Variants in CNTNAP4 observed in about 807,000 individuals in gnomAD.
CNTNAP4 encodes contactin associated protein family member 4, also known as contactin-associated protein-like 4.
CNTNAP4 carries 98 observed loss-of-function variants against 148.4 expected under a neutral mutation model. That is an observed-to-expected ratio of 0.66 (90% CI 0.56 to 0.78). The LOEUF (loss-of-function observed/expected upper bound fraction) is 0.78, where lower values mean the gene tolerates loss of function less well. CNTNAP4 is among the 30% of genes least tolerant of loss of function. The pLI is 0.00. For missense variants in CNTNAP4, 1,935 were observed against 1,565.6 expected (o/e 1.24, Z -3.98); for synonymous variants, 730 against 565.1 (o/e 1.29, Z -4.14).
chr16:76,330,755 G>C (rs923052504), intron 2 of CNTNAP4, among the ~76,000 whole-genome samples: 1 of 152,240 alleles, frequency 6.6e-6, no homozygotes, highest in Admixed American at 6.5e-5. Context: ...TCTATGATTA[G>C]TAAAAATACA....
chr16:76,441,171 A>T (rs1220959031), intron 4 of CNTNAP4, among the ~76,000 whole-genome samples: 2 of 152,116 alleles, frequency 1.3e-5, no homozygotes, highest in East Asian at 1.9e-4. Flanking sequence ...ATTGCATCTC[A>T]GGGTTGTGTG....
chr16:76,278,815 A>T (rs1958578904), intron 1 of CNTNAP4, among the ~76,000 whole-genome samples: 2 of 152,312 alleles, frequency 1.3e-5, no homozygotes, highest in East Asian at 1.9e-4. Flanking sequence ...TGACTATGTT[A>T]AGAGTTCTGA....
intron 2 of CNTNAP4, among the ~76,000 whole-genome samples, chr16:76,318,832 CATA>C (rs1962106391): frequency 1.3e-5 from 2 of 150,730 alleles, no homozygotes; most frequent in Admixed American, 6.6e-5. Flanking sequence ...TAACATTTCT[CATA>C]ATATTTCAGT....
intron 3 of CNTNAP4, among the ~76,000 whole-genome samples, chr16:76,363,204 A>T (rs2144563111): frequency 6.8e-6 from 1 of 147,480 alleles, no homozygotes; most frequent in East Asian, 2.0e-4. Context: ...TCTTGCACCC[A>T]GGCTGGAGTG....
rs1382672724 is a variant in CNTNAP4, at chr16:76,355,530, G to A, written c.390+19G>A. 1 of 1,558,948 alleles carries A rather than the reference G, an allele frequency of 6.4e-7. No individual in the cohort carries two copies. Among genetic ancestry groups the A allele is most frequent in the Non-Finnish European group, 8.7e-7 (1 of 1,151,156 alleles). On this transcript the variant is annotated intron_variant, in intron 3 of 23. Transcript: ENST00000611870. Reference sequence around the variant, plus strand: ...CATCTGGGTATGTTCTTTAACAAAAGACATAGTCTCTCGGGGAAAAAGTAT... The same window carrying A: ...CATCTGGGTATGTTCTTTAACAAAAAACATAGTCTCTCGGGGAAAAAGTAT...
chr16:76,389,177 C>A (rs2038509962), intron 3 of CNTNAP4, among the ~76,000 whole-genome samples: 1 of 152,120 alleles, frequency 6.6e-6, no homozygotes, highest in Non-Finnish European at 1.5e-5. Flanking sequence ...TAGTCCCCAG[C>A]ATGATGAGCA....
At chr16:76,326,080 C>T (rs574890133) in intron 2 of CNTNAP4, among the ~76,000 whole-genome samples, 16 of 152,232 alleles carry the variant, frequency 1.1e-4, no homozygotes, top group African/African-American at 3.9e-4. Context: ...CACATTCTCT[C>T]CCAGAGAACA....
chr16:76,282,382 A>G (rs1169457886), intron 1 of CNTNAP4, among the ~76,000 whole-genome samples: 3 of 151,960 alleles, frequency 2.0e-5, no homozygotes, highest in African/African-American at 7.2e-5. Flanking sequence ...TATAAGTAAT[A>G]TAAGTTCAAT....
intron 1 of CNTNAP4, among the ~76,000 whole-genome samples, chr16:76,291,117 T>G (rs1219568059): frequency 1.3e-5 from 2 of 152,226 alleles, no homozygotes; most frequent in Non-Finnish European, 2.9e-5. Flanking sequence ...ATTAGGGCTT[T>G]GACATATTAA....
intron 7 of CNTNAP4, among the ~76,000 whole-genome samples, chr16:76,451,750 G>A (rs1425137551): frequency 1.3e-5 from 2 of 151,888 alleles, no homozygotes; most frequent in Non-Finnish European, 2.9e-5. Flanking sequence ...ATAAGATCAA[G>A]CTGCAGGTTA....
intron 12 of CNTNAP4, among the ~76,000 whole-genome samples, chr16:76,483,118 A>G (rs548353966): frequency 5.3e-5 from 8 of 152,202 alleles, no homozygotes; most frequent in South Asian, 2.1e-4. Context: ...TGTAAATTCT[A>G]TGTTCCCATA....
chr16:76,383,894 C>G (rs1296714418), intron 3 of CNTNAP4, among the ~76,000 whole-genome samples: 1 of 152,116 alleles, frequency 6.6e-6, no homozygotes, highest in African/African-American at 2.4e-5. Context: ...GTTTTAAATT[C>G]TGTTCTCTCT....
chr16:76,291,786 C>A (rs570846088), intron 1 of CNTNAP4, among the ~76,000 whole-genome samples: 3 of 152,250 alleles, frequency 2.0e-5, no homozygotes, highest in Non-Finnish European at 2.9e-5. Flanking sequence ...TAAAATTTAT[C>A]ATCTAATTTT....
rs547211200 is a variant in CNTNAP4, at chr16:76,408,060, T to A, written c.391-19392T>A. 1.8e-4 allele frequency among the ~76,000 whole-genome samples: 25 copies of A among 141,418 alleles called. No homozygotes were observed. In the East Asian group the frequency reaches 4.8e-3, roughly 27 times the overall value. The allele number at this position is 141,418 out of a possible 152,430, so 92.8% of individuals were successfully genotyped here. A position where few individuals can be genotyped will look rare whatever the true frequency, so the allele number is the denominator to read the frequency against. ...CTGAAGACTGAGATTATGATTAGTA[T>A]TTTTTTTAGCAATCAAGTATTTTAA... On this transcript the variant is annotated intron_variant, in intron 3 of 23. Transcript: ENST00000611870.
At chr16:76,458,272 C>G (rs949014969) in intron 8 of CNTNAP4, among the ~76,000 whole-genome samples, 2 of 152,028 alleles carry the variant, frequency 1.3e-5, no homozygotes, top group Admixed American at 6.6e-5. Flanking sequence ...ATGCAGGCAT[C>G]TTTTTTGGTC....
chr16:76,278,633 C>T (rs568008197), intron 1 of CNTNAP4, among the ~76,000 whole-genome samples: 1 of 152,150 alleles, frequency 6.6e-6, no homozygotes, highest in Non-Finnish European at 1.5e-5. Flanking sequence ...TAATGACAAA[C>T]AAGCTTGGCA....
At chr16:76,492,761 TC>T (rs200284408) in intron 13 of CNTNAP4, among the ~76,000 whole-genome samples, 1,983 of 152,280 alleles carry the variant, frequency 0.013, 19 homozygotes, top group Non-Finnish European at 0.02. Context: ...GCTTTGCCCT[TC>T]CTTGCCTTCT....
chr16:76,383,410 A>C (rs1029976734), intron 3 of CNTNAP4, among the ~76,000 whole-genome samples: 9 of 151,984 alleles, frequency 5.9e-5, no homozygotes, highest in African/African-American at 2.2e-4. Flanking sequence ...AAAAAAAAAA[A>C]AACGTATCAT....
intron 15 of CNTNAP4, among the ~76,000 whole-genome samples, chr16:76,503,421 C>G (rs1255990233): frequency 1.3e-5 from 2 of 152,142 alleles, no homozygotes; most frequent in East Asian, 1.9e-4. Context: ...AATAAAATGT[C>G]TGTTTACAGG....
Sources: allele counts gnomAD v4.1 joint callset (sites outside exome capture counted in the v4.1 genomes callset), GRCh38; gene constraint gnomAD v4.1.1; transcripts MANE v1.5; gene names NCBI Gene and HGNC (gene_info 2026-07-23, HGNC 2026-07-21).